Variants in BABAM2 observed in about 807,000 individuals in gnomAD.
BABAM2 encodes BRISC and BRCA1 A complex member 2.
Under a neutral mutation model 54.7 loss-of-function variants are expected in BABAM2, and 31 were observed. The observed-to-expected ratio is 0.57, with a 90% CI of 0.43 to 0.77. The LOEUF (loss-of-function observed/expected upper bound fraction) is 0.77. BABAM2 is among the 30% of genes least tolerant of loss of function. The pLI is 0.00. For synonymous variants in BABAM2, 167 were observed against 162.9 expected, an observed-to-expected ratio of 1.03 and a Z score of -0.19; for missense variants, 364 against 455.8, an observed-to-expected ratio of 0.80 and a Z score of 1.83.
chr2:27,919,145 C>T (rs981607193), intron 2 of BABAM2, among the ~76,000 whole-genome samples: 7 of 152,074 alleles, frequency 4.6e-5, no homozygotes, highest in Non-Finnish European at 1.5e-5. Context: ...TTTTAGATGG[C>T]ATCTTTCTAA....
chr2:28,107,299 A>C (rs1667611027), intron 6 of BABAM2, among the ~76,000 whole-genome samples: 1 of 152,110 alleles, frequency 6.6e-6, no homozygotes, highest in Non-Finnish European at 1.5e-5. Flanking sequence ...AGCCTTCCAA[A>C]GCTCGTAGAA....
At chr2:28,316,624 T>C (rs2148296407) in intron 11 of BABAM2, among the ~76,000 whole-genome samples, 1 of 152,252 alleles carries the variant, frequency 6.6e-6, no homozygotes, top group East Asian at 1.9e-4. Flanking sequence ...ACAGCCTTTG[T>C]GGTCTGATAA....
chr2:28,260,615 T>A (rs553077587), intron 10 of BABAM2, among the ~76,000 whole-genome samples: 1 of 152,284 alleles, frequency 6.6e-6, no homozygotes, highest in African/African-American at 2.4e-5. Context: ...TTTGTATTTC[T>A]GTATTCAAAA....
chr2:28,102,210 A>G (rs1667143308), intron 6 of BABAM2, among the ~76,000 whole-genome samples: 1 of 152,218 alleles, frequency 6.6e-6, no homozygotes, highest in Non-Finnish European at 1.5e-5. Flanking sequence ...AAATAAATGA[A>G]TAATGAAACG....
chr2:28,286,873 G>A (rs943957165), intron 10 of BABAM2, among the ~76,000 whole-genome samples: 14 of 152,156 alleles, frequency 9.2e-5, no homozygotes, highest in African/African-American at 3.4e-4. Context: ...TGTGCTCAGG[G>A]AATGTTTGTC....
chr2:27,985,190 G>A (rs181608916), intron 3 of BABAM2, among the ~76,000 whole-genome samples: 16 of 152,012 alleles, frequency 1.1e-4, no homozygotes, highest in East Asian at 5.8e-4. Flanking sequence ...ATAAGCATGC[G>A]TGTGCAAGTA....
chr2:27,900,576 G>A (rs1295565281), intron 2 of BABAM2, among the ~76,000 whole-genome samples: 1 of 152,128 alleles, frequency 6.6e-6, no homozygotes, highest in Non-Finnish European at 1.5e-5. Flanking sequence ...AGTAGGATTT[G>A]AATGGATGAA....
At chr2:27,913,303 A>G (rs1317638059) in intron 2 of BABAM2, among the ~76,000 whole-genome samples, 1 of 152,190 alleles carries the variant, frequency 6.6e-6, no homozygotes, top group Non-Finnish European at 1.5e-5. Flanking sequence ...TTTACAGACC[A>G]GAACTGGTCC....
intron 6 of BABAM2, among the ~76,000 whole-genome samples, chr2:28,092,887 TC>T (rs1195729230): frequency 1.1e-4 from 16 of 152,210 alleles, no homozygotes; most frequent in Admixed American, 3.3e-4. Context: ...GTCTTCATCT[TC>T]TCAGCATCCG....
intron 2 of BABAM2, among the ~76,000 whole-genome samples, chr2:27,898,365 A>G (rs967063103): frequency 6.6e-5 from 10 of 152,028 alleles, no homozygotes; most frequent in African/African-American, 1.9e-4. Flanking sequence ...CTTTTATTGG[A>G]ATGGGGTGAG....
intron 7 of BABAM2, among the ~76,000 whole-genome samples, chr2:28,132,259 C>G (rs1429574147): frequency 6.6e-6 from 1 of 151,886 alleles, no homozygotes; most frequent in Non-Finnish European, 1.5e-5. Context: ...CTGCCTCAGC[C>G]TCCCGAGTAG....
chr2:28,062,289 G>A (rs1230179795), intron 6 of BABAM2, among the ~76,000 whole-genome samples: 2 of 151,190 alleles, frequency 1.3e-5, no homozygotes, highest in Admixed American at 1.3e-4. Context: ...AACCTGGCCG[G>A]GCATGGTGGC....
chr2:27,998,341 C>G (rs1358614734), intron 4 of BABAM2, among the ~76,000 whole-genome samples: 20 of 151,754 alleles, frequency 1.3e-4, no homozygotes. Context: ...ATTCGAAATA[C>G]AAGTAAATAC....
chr2:28,018,220 T>C (rs1213015175), intron 4 of BABAM2, among the ~76,000 whole-genome samples: 1 of 152,224 alleles, frequency 6.6e-6, no homozygotes, highest in Non-Finnish European at 1.5e-5. Context: ...ATTTGTGTCC[T>C]CGTAGCTTAG....
intron 10 of BABAM2, among the ~76,000 whole-genome samples, chr2:28,249,858 C>G (rs1452060881): frequency 1.3e-5 from 2 of 152,120 alleles, no homozygotes; most frequent in Non-Finnish European, 2.9e-5. Context: ...CTCAAAACAC[C>G]TCGGGCTCAA....
intron 6 of BABAM2, among the ~76,000 whole-genome samples, chr2:28,123,776 A>G (rs1172092985): frequency 6.6e-6 from 1 of 152,200 alleles, no homozygotes; most frequent in Non-Finnish European, 1.5e-5. Context: ...TGCCACACCA[A>G]CAGGAATAAC....
intron 4 of BABAM2, among the ~76,000 whole-genome samples, chr2:28,010,257 C>T (rs922613902): frequency 1.3e-5 from 2 of 152,034 alleles, no homozygotes; most frequent in Non-Finnish European, 2.9e-5. Flanking sequence ...CTTTCAGATC[C>T]ATTTTAACTT....
At chr2:27,894,052 A>G (rs1325990256) in intron 1 of BABAM2, among the ~76,000 whole-genome samples, 1 of 152,070 alleles carries the variant, frequency 6.6e-6, no homozygotes, top group Admixed American at 6.5e-5. Context: ...AGTAAGTAAT[A>G]GCTTCAAGCA....
intron 6 of BABAM2, among the ~76,000 whole-genome samples, chr2:28,053,938 A>G (rs1420803098): frequency 6.6e-6 from 1 of 152,224 alleles, no homozygotes; most frequent in African/African-American, 2.4e-5. Context: ...TCTGATCACT[A>G]TACATTATGT....
Sources: gnomAD v4.1 joint callset for allele counts (sites outside exome capture counted in the v4.1 genomes callset) on GRCh38, gnomAD v4.1.1 for gene constraint, MANE v1.5 for transcripts, NCBI Gene and HGNC (gene_info 2026-07-23, HGNC 2026-07-21) for gene names.